Variants in CYP39A1 observed in about 807,000 individuals in gnomAD.
CYP39A1 encodes cytochrome P450 family 39 subfamily A member 1.
CYP39A1 carries 49 observed loss-of-function variants against 58.1 expected under a neutral mutation model. That is an observed-to-expected ratio of 0.84 (90% CI 0.67 to 1.07). The LOEUF (loss-of-function observed/expected upper bound fraction) is 1.07, where lower values mean the gene tolerates loss of function less well. Among genes scored for constraint, CYP39A1 ranks in the 50% least tolerant of loss-of-function variants. The pLI, the probability that CYP39A1 is intolerant of heterozygous loss-of-function variation, is 0.00. For synonymous variants in CYP39A1, 209 were observed against 187.6 expected (o/e 1.11, Z -0.93); for missense variants, 531 against 539.4 (o/e 0.98, Z 0.16).
In CYP39A1 at chr6:46,639,596, G is replaced by T. The variant is rs867205147; in HGVS notation, c.386C>A (p.Thr129Asn). 6.2e-7 allele frequency: 1 copy of T among 1,613,784 alleles called. No homozygotes were observed. Among genetic ancestry groups the T allele is most frequent in the African/African-American group, 1.3e-5 (1 of 75,032 alleles). The change falls in exon 3 of 12, where the codon ACT (threonine) becomes AAT (asparagine). Residue 129 changes from threonine to asparagine, a missense_variant. Transcript: ENST00000275016. ...LYIMLKGKMG[T>N]VNLHQFTGQL... ...CCCAGTAAACTGATGGAGATTGACA[G>T]TCCCCATTTTCCCTTTCAACATAAT...
At chr6:46,565,179 C>A (rs1433025687) in intron 10 of CYP39A1, among the ~76,000 whole-genome samples, 1 of 151,726 alleles carries the variant, frequency 6.6e-6, no homozygotes, top group South Asian at 2.1e-4. Flanking sequence ...GGTCTGGGGA[C>A]CACATTTTGA....
chr6:46,554,743 G>A (rs1409180188), intron 10 of CYP39A1, among the ~76,000 whole-genome samples: 21 of 152,036 alleles, frequency 1.4e-4, no homozygotes, highest in Non-Finnish European at 1.3e-4. Flanking sequence ...TTAGTCCAAC[G>A]GGACAGAACA....
intron 7 of CYP39A1, among the ~76,000 whole-genome samples, chr6:46,602,398 C>T (rs1773566097): frequency 6.6e-6 from 1 of 152,126 alleles, no homozygotes; most frequent in Admixed American, 6.5e-5. Context: ...TGTGAAAACA[C>T]AGATTGCAGG....
At chr6:46,615,781 T>C (rs1210580755) in intron 7 of CYP39A1, among the ~76,000 whole-genome samples, 1 of 151,684 alleles carries the variant, frequency 6.6e-6, no homozygotes, top group Non-Finnish European at 1.5e-5. Context: ...GCCATCATGA[T>C]GGTGATCTCA....
rs773890463 is a variant in CYP39A1 at position 46,637,908 on chromosome 6, T to C, written c.559A>G (p.Ile187Val). The C allele has an allele frequency of 1.8e-5, 29 of 1,612,904 alleles. No individual in the cohort carries two copies. The highest frequency in any genetic ancestry group is 1.6e-4 in the Middle Eastern group (1 of 6,068). ...TGAAAATACTGATGGAACTCCTTGATTTTTTTCTTGTTTGTGGAAAACAAA... is the reference window on the plus strand; with the variant it reads ...TGAAAATACTGATGGAACTCCTTGACTTTTTTCTTGTTTGTGGAAAACAAA... ...KSLFSTNKKKIKEFHQYFQVY... is the reference protein window; with the variant it reads ...KSLFSTNKKKVKEFHQYFQVY... Residue 187 changes from isoleucine to valine, a missense_variant, in exon 4 of 12, where the codon ATC (isoleucine) becomes GTC (valine). Transcript: ENST00000275016.
intron 7 of CYP39A1, among the ~76,000 whole-genome samples, chr6:46,616,857 T>C (rs1458212595): frequency 2.0e-5 from 3 of 152,002 alleles, no homozygotes; most frequent in Non-Finnish European, 2.9e-5. Context: ...GAGTGAGATG[T>C]GAGGTCACTG....
chr6:46,623,483 G>A (rs1180009858), intron 7 of CYP39A1, among the ~76,000 whole-genome samples: 1 of 152,024 alleles, frequency 6.6e-6, no homozygotes, highest in Non-Finnish European at 1.5e-5. Context: ...TTGAATTCGT[G>A]GGCTCAGTAA....
intron 7 of CYP39A1, among the ~76,000 whole-genome samples, chr6:46,622,243 AGAC>A (rs1775000025): frequency 6.6e-6 from 1 of 152,126 alleles, no homozygotes; most frequent in African/African-American, 2.4e-5. Context: ...TTCTGGGACT[AGAC>A]AGTGTTGATG....
Position 46,615,420 on chromosome 6 carries a change from A to C in CYP39A1, c.931+9998T>G, listed in dbSNP as rs575148157. Among the ~76,000 whole-genome samples, 11 of 152,186 alleles carry C rather than the reference A, an allele frequency of 7.2e-5. No individual in the cohort carries two copies. The South Asian group carries it at 2.1e-3, about 29-fold the overall frequency. ...CCTCGCTTAAAGACTCTATAAAAGC[A>C]GACTAAGTACAATGATATCTCCCCA... is the stretch of plus-strand genomic sequence containing the variant. On this transcript the variant is annotated intron_variant, in intron 7 of 11. Transcript: ENST00000275016.
intron 7 of CYP39A1, among the ~76,000 whole-genome samples, chr6:46,596,530 G>A (rs945905257): frequency 1.3e-4 from 19 of 151,578 alleles, no homozygotes; most frequent in Admixed American, 6.6e-4. Flanking sequence ...GAAGCCATCC[G>A]GCCTTTTTCT....
chr6:46,555,430 C>G (rs1184640177), intron 10 of CYP39A1, among the ~76,000 whole-genome samples: 1 of 152,194 alleles, frequency 6.6e-6, no homozygotes, highest in Admixed American at 6.5e-5. Flanking sequence ...GGCCTTAGCA[C>G]AGTGCACAGC....
chr6:46,576,897 G>A (rs1421644358), intron 10 of CYP39A1, among the ~76,000 whole-genome samples: 7 of 152,194 alleles, frequency 4.6e-5, no homozygotes, highest in Admixed American at 4.6e-4. Context: ...GATGGAGAGA[G>A]AACAAGCAAC....
intron 10 of CYP39A1, among the ~76,000 whole-genome samples, chr6:46,564,105 T>G (rs151312192): frequency 9.2e-6 from 1 of 108,396 alleles, no homozygotes; most frequent in African/African-American, 8.5e-5. Flanking sequence ...TTTTGTATTT[T>G]TTTTATTTTA....
rs1290215352 is a variant in CYP39A1 at position 46,596,035 on chromosome 6, T to G, written c.1017A>C (p.Lys339Asn). Residue 339 changes from lysine (K) to asparagine (N), a missense_variant, in exon 8 of 12, where the codon AAA becomes AAC. Lys to Asn is a moderately conservative substitution (Grantham distance 94). Transcript: ENST00000275016. ...CTTTTCTAGTAATGACACCAGGAGC[T>G]TTTAAACGAATGGTTTCCAAAACAC... is the stretch of plus-strand genomic sequence containing the variant. ...KWCVLETIRLKAPGVITRKVV... is the reference protein window; with the variant it reads ...KWCVLETIRLNAPGVITRKVV... The G allele has an allele frequency of 2.5e-6, 4 of 1,612,204 alleles. No individual in the cohort carries two copies. Among genetic ancestry groups the G allele is most frequent in the Non-Finnish European group, 3.4e-6 (4 of 1,178,956 alleles).
At chr6:46,569,710 G>A (rs1209742424) in intron 10 of CYP39A1, among the ~76,000 whole-genome samples, 1 of 152,030 alleles carries the variant, frequency 6.6e-6, no homozygotes, top group African/African-American at 2.4e-5. Context: ...TTGCATCCAA[G>A]GGATAAATAC....
chr6:46,584,966 G>A (rs3799883), intron 10 of CYP39A1, among the ~76,000 whole-genome samples: 31,315 of 152,040 alleles, frequency 0.21, 3,335 homozygotes, highest in African/African-American at 0.23. Flanking sequence ...GTTGAAACAT[G>A]TCTTACTCAT....
chr6:46,562,826 G>A (rs1771056712), intron 10 of CYP39A1, among the ~76,000 whole-genome samples: 3 of 151,928 alleles, frequency 2.0e-5, no homozygotes, highest in Admixed American at 6.6e-5. Context: ...TCTATGTGAT[G>A]TTCTTAAAAA....
chr6:46,607,867 A>G (rs1483878230), intron 7 of CYP39A1, among the ~76,000 whole-genome samples: 2 of 152,238 alleles, frequency 1.3e-5, no homozygotes, highest in Non-Finnish European at 2.9e-5. Flanking sequence ...ATGAATTCTC[A>G]GTGCTGTTTG....
intron 4 of CYP39A1, 149 bp from the exon 5 acceptor site, chr6:46,636,631 T>A: frequency 1.7e-6 from 1 of 605,316 alleles, no homozygotes; most frequent in South Asian, 2.1e-5. Context: ...AAGGTCTACC[T>A]TCGGAATGAT....
Sources: gnomAD v4.1 joint callset for allele counts (sites outside exome capture counted in the v4.1 genomes callset) on GRCh38, gnomAD v4.1.1 for gene constraint, MANE v1.5 for transcripts, NCBI Gene and HGNC (gene_info 2026-07-23, HGNC 2026-07-21) for gene names.